The following ANO2 variants were observed in gnomAD, a reference collection of about 807,000 sequenced individuals.
ANO2 encodes anoctamin-2.
ANO2 carries 101 observed loss-of-function variants against 124.2 expected under a neutral mutation model. That is an observed-to-expected ratio of 0.81 (90% CI 0.69 to 0.96). The LOEUF (loss-of-function observed/expected upper bound fraction) is 0.96, where lower values mean the gene tolerates loss of function less well. Ranked by LOEUF, ANO2 falls within the 40% of genes least tolerant of loss-of-function variation. ANO2 has a pLI of 0.00. For missense variants in ANO2, 1,293 were observed against 1,274.5 expected (o/e 1.01, Z -0.22); for synonymous variants, 486 against 482.5 (o/e 1.01, Z -0.09).
At chr12:5,891,906 A>T (rs1939437540) in intron 3 of ANO2, among the ~76,000 whole-genome samples, 1 of 152,212 alleles carries the variant, frequency 6.6e-6, no homozygotes, top group Non-Finnish European at 1.5e-5. Context: ...AAAATTACTG[A>T]ACATACAAAG....
chr12:5,796,828 G>C (rs1433796842), intron 10 of ANO2, among the ~76,000 whole-genome samples: 1 of 152,212 alleles, frequency 6.6e-6, no homozygotes, highest in African/African-American at 2.4e-5. Flanking sequence ...GAAGGGGAAG[G>C]AGAGCTAGTT....
chr12:5,691,327 C>CA (rs60573302), intron 14 of ANO2, among the ~76,000 whole-genome samples: 1,334 of 86,958 alleles, frequency 0.015, 36 homozygotes, highest in African/African-American at 0.057. Flanking sequence ...GACTCCATCT[C>CA]AAAAAAAAAA....
chr12:5,838,971 T>C (rs1954418669), intron 4 of ANO2, among the ~76,000 whole-genome samples: 1 of 152,212 alleles, frequency 6.6e-6, no homozygotes, highest in South Asian at 2.1e-4. Flanking sequence ...GAAACTCTAC[T>C]TCCTACCATG....
At chr12:5,606,636 TG>T (rs894445142) in intron 19 of ANO2, among the ~76,000 whole-genome samples, 26 of 152,218 alleles carry the variant, frequency 1.7e-4, no homozygotes, top group Middle Eastern at 6.8e-3. Flanking sequence ...GCATAGGTAA[TG>T]GGGGGAAATT....
intron 7 of ANO2, among the ~76,000 whole-genome samples, chr12:5,818,447 TTATATATATATATATA>T (rs57443240): frequency 0.014 from 1,175 of 82,916 alleles, 31 homozygotes; most frequent in Middle Eastern, 0.032. Flanking sequence ...TAAACTCATA[TTATATATATATATATA>T]TATATATATA....
intron 8 of ANO2, among the ~76,000 whole-genome samples, chr12:5,806,761 G>A (rs1292661852): frequency 6.6e-6 from 1 of 152,130 alleles, no homozygotes; most frequent in East Asian, 1.9e-4. Flanking sequence ...CCAAAGCATT[G>A]TACAAGGAAT....
At chr12:5,663,488 T>C (rs572436014) in intron 14 of ANO2, among the ~76,000 whole-genome samples, 76 of 152,106 alleles carry the variant, frequency 5.0e-4, no homozygotes, top group Non-Finnish European at 7.2e-4. Context: ...GTCTTAGCAT[T>C]GGAGAGCAGA....
chr12:5,631,666 G>A (rs946423891), intron 16 of ANO2, among the ~76,000 whole-genome samples: 1 of 152,190 alleles, frequency 6.6e-6, no homozygotes. Flanking sequence ...GGCCAGAAGA[G>A]GATTTACAAA....
intron 17 of ANO2, among the ~76,000 whole-genome samples, chr12:5,614,634 T>G (rs1944706392): frequency 1.3e-5 from 2 of 152,304 alleles, no homozygotes; most frequent in Admixed American, 1.3e-4. Flanking sequence ...AAACTTCAGT[T>G]GTAAGTATAG....
In ANO2 at chr12:5,802,450, C is replaced by G. The variant is rs142756321; in HGVS notation, c.991-2879G>C. Among the ~76,000 whole-genome samples the G allele has an allele frequency of 2.0e-5, 3 of 152,346 alleles. No individual in the cohort carries two copies. The East Asian group carries it at 5.8e-4, about 29-fold the overall frequency. On this transcript the variant is annotated intron_variant, in intron 9 of 24. Transcript: ENST00000682330. ...GCCTGGATGCCCAGGCCAGCTCACA[C>G]GCCTTCTGTCACCTGCAGGGGAGGC...
chr12:5,866,673 T>C (rs1955435639), intron 3 of ANO2, among the ~76,000 whole-genome samples: 2 of 152,178 alleles, frequency 1.3e-5, no homozygotes, highest in Non-Finnish European at 2.9e-5. Flanking sequence ...GTGCAGCATG[T>C]AGAGACCAGC....
At chr12:5,812,837 A>C (rs1248120624) in intron 7 of ANO2, among the ~76,000 whole-genome samples, 2 of 147,302 alleles carry the variant, frequency 1.4e-5, no homozygotes, top group African/African-American at 4.9e-5. Flanking sequence ...GAAGGAAAGA[A>C]GGAAGGAAGG....
intron 4 of ANO2, among the ~76,000 whole-genome samples, chr12:5,848,362 C>A (rs1373935645): frequency 1.4e-5 from 2 of 146,538 alleles, no homozygotes; most frequent in African/African-American, 4.9e-5. Context: ...CCTACTTCCC[C>A]CCCTCCCCAG....
At chr12:5,873,668 A>T (rs577463815) in intron 3 of ANO2, among the ~76,000 whole-genome samples, 3 of 152,322 alleles carry the variant, frequency 2.0e-5, no homozygotes, top group South Asian at 2.1e-4. Flanking sequence ...AGGACAAATG[A>T]GGTGTTTCTG....
intron 13 of ANO2, among the ~76,000 whole-genome samples, chr12:5,735,150 C>A (rs533331834): frequency 2.2e-4 from 34 of 152,246 alleles, no homozygotes; most frequent in Admixed American, 9.2e-4. Context: ...CAGAATCCAG[C>A]CCCCGGGAGG....
chr12:5,676,021 T>C (rs1288572626), intron 14 of ANO2, among the ~76,000 whole-genome samples: 1 of 152,136 alleles, frequency 6.6e-6, no homozygotes, highest in African/African-American at 2.4e-5. Context: ...CATCACATCT[T>C]CCAGGCTGAC....
At chr12:5,944,917 A>T (rs1943033596) in intron 1 of ANO2, among the ~76,000 whole-genome samples, 1 of 151,920 alleles carries the variant, frequency 6.6e-6, no homozygotes, top group Non-Finnish European at 1.5e-5. Flanking sequence ...AACCAATCAC[A>T]GAGAAGCGGC....
chr12:5,895,139 C>T (rs1039008148), intron 3 of ANO2, among the ~76,000 whole-genome samples: 4 of 152,058 alleles, frequency 2.6e-5, no homozygotes, highest in Admixed American at 2.6e-4. Context: ...AATGTTTTTC[C>T]ATTTGTTTGT....
At chr12:5,867,929 G>A (rs1426022450) in intron 3 of ANO2, among the ~76,000 whole-genome samples, 1 of 152,146 alleles carries the variant, frequency 6.6e-6, no homozygotes, top group Non-Finnish European at 1.5e-5. Context: ...CAGTAGGGGA[G>A]TGGGCAGGAA....
Sources: allele counts gnomAD v4.1 joint callset (sites outside exome capture counted in the v4.1 genomes callset), GRCh38; gene constraint gnomAD v4.1.1; transcripts MANE v1.5; gene names NCBI Gene and HGNC (gene_info 2026-07-23, HGNC 2026-07-21).